The following GRB14 variants were observed in gnomAD, a reference collection of about 807,000 sequenced individuals.
GRB14 encodes the protein growth factor receptor bound protein 14.
GRB14 carries 38 observed loss-of-function variants against 69.1 expected under a neutral mutation model. The ratio of observed to expected loss-of-function variants is 0.55; its 90% CI spans 0.42 to 0.72. The LOEUF (loss-of-function observed/expected upper bound fraction) is 0.72, where lower values mean the gene tolerates loss of function less well. Ranked by LOEUF, GRB14 falls within the 30% of genes least tolerant of loss-of-function variation. The pLI, the probability that GRB14 is intolerant of heterozygous loss-of-function variation, is 0.00. For missense variants in GRB14, 666 were observed against 666.1 expected (o/e 1.00, Z 0.00); for synonymous variants, 247 against 241.3 (o/e 1.02, Z -0.22).
chr2:164,529,241 T>C lies in GRB14; in HGVS notation c.482-2106A>G, dbSNP rs114281600. 7.3e-3 allele frequency among the ~76,000 whole-genome samples: 1,113 copies of C among 152,286 alleles called. 5 individuals are homozygous for C. Among genetic ancestry groups the C allele is most frequent in the African/African-American group, 0.011 (442 of 41,550 alleles). ...TAGAGATAGAAAGTAGAATGGTGGC[T>C]GCCAGGGGTAGGAGGGAGTAGGGAA... On this transcript the variant is annotated intron_variant, in intron 3 of 13. Transcript: ENST00000263915.
At chr2:164,547,330 T>C (rs1213864400) in intron 3 of GRB14, among the ~76,000 whole-genome samples, 1 of 152,166 alleles carries the variant, frequency 6.6e-6, no homozygotes, top group Non-Finnish European at 1.5e-5. Flanking sequence ...TCAATTCAGA[T>C]ATTTATAAGA....
At chr2:164,517,411 C>T (rs561978042) in intron 6 of GRB14, among the ~76,000 whole-genome samples, 2 of 152,184 alleles carry the variant, frequency 1.3e-5, no homozygotes, top group Non-Finnish European at 2.9e-5. Context: ...ATAAAGCTCA[C>T]AGCTCACAAG....
intron 9 of GRB14, among the ~76,000 whole-genome samples, chr2:164,498,295 G>A (rs1686958452): frequency 1.3e-5 from 2 of 152,108 alleles, no homozygotes; most frequent in Admixed American, 1.3e-4. Flanking sequence ...AAATGATAAA[G>A]TCATTGTTTT....
At chr2:164,503,011 T>C (rs1687096168) in intron 8 of GRB14, among the ~76,000 whole-genome samples, 1 of 151,862 alleles carries the variant, frequency 6.6e-6, no homozygotes, top group African/African-American at 2.4e-5. Flanking sequence ...ATCATATGGA[T>C]TGAGCTGGCA....
chr2:164,506,675 T>C (rs1372265251), intron 8 of GRB14, among the ~76,000 whole-genome samples: 1 of 152,172 alleles, frequency 6.6e-6, no homozygotes, highest in East Asian at 1.9e-4. Context: ...GCAGCACTAT[T>C]CACAATAGCC....
At chr2:164,519,431 C>T (rs545598336) in intron 6 of GRB14, among the ~76,000 whole-genome samples, 1 of 152,238 alleles carries the variant, frequency 6.6e-6, no homozygotes, top group South Asian at 2.1e-4. Flanking sequence ...TGAAAGCATT[C>T]CCCCTGAGAA....
intron 2 of GRB14, among the ~76,000 whole-genome samples, chr2:164,572,028 G>A (rs1172111771): frequency 2.0e-5 from 3 of 152,144 alleles, no homozygotes; most frequent in Non-Finnish European, 4.4e-5. Context: ...GTGCTGTGCT[G>A]TTTATTATGG....
chr2:164,563,567 T>C (rs552488898), intron 2 of GRB14, among the ~76,000 whole-genome samples: 1 of 152,334 alleles, frequency 6.6e-6, no homozygotes, highest in South Asian at 2.1e-4. Flanking sequence ...ACAGGATGAC[T>C]GGAAATTTAC....
intron 2 of GRB14, among the ~76,000 whole-genome samples, chr2:164,608,650 T>C (rs1690097321): frequency 1.3e-5 from 2 of 151,788 alleles, no homozygotes; most frequent in South Asian, 4.1e-4. Context: ...TATGATGAAG[T>C]GCTAGGAAGT....
At chr2:164,620,673 C>G (rs529372734) in intron 1 of GRB14, among the ~76,000 whole-genome samples, 4 of 152,302 alleles carry the variant, frequency 2.6e-5, no homozygotes, top group South Asian at 2.1e-4. Flanking sequence ...TCTATTCTTT[C>G]CTGCCGAACA....
chr2:164,603,464 G>A (rs1689970782), intron 2 of GRB14, among the ~76,000 whole-genome samples: 1 of 152,052 alleles, frequency 6.6e-6, no homozygotes. Flanking sequence ...AGGAGTTCGA[G>A]ACCAGCCTGG....
At chr2:164,508,912 A>C in intron 6 of GRB14, 60 bp from the exon 7 acceptor site, 12 of 1,154,612 alleles carry the variant, frequency 1.0e-5, no homozygotes, top group Non-Finnish European at 1.3e-5. Context: ...TTGTGTGTTT[A>C]TATTATATAA....
At chr2:164,515,876 A>G (rs995568198) in intron 6 of GRB14, among the ~76,000 whole-genome samples, 1 of 151,992 alleles carries the variant, frequency 6.6e-6, no homozygotes, top group Non-Finnish European at 1.5e-5. Flanking sequence ...TGAATAAAAA[A>G]CAATTACAAC....
intron 2 of GRB14, among the ~76,000 whole-genome samples, chr2:164,567,728 A>G (rs1272838359): frequency 6.6e-6 from 1 of 152,320 alleles, no homozygotes; most frequent in Non-Finnish European, 1.5e-5. Context: ...ATATTTTCAT[A>G]CACAGGATTG....
At chr2:164,508,639 A>G (rs1574252504) in intron 7 of GRB14, 89 bp from the exon 8 acceptor site, 3 of 1,441,054 alleles carry the variant, frequency 2.1e-6, no homozygotes, top group East Asian at 2.3e-5. Flanking sequence ...TCTCCTATAT[A>G]TAAGAGAAAG....
At chr2:164,498,492 T>C (rs1686964180) in intron 9 of GRB14, among the ~76,000 whole-genome samples, 1 of 152,118 alleles carries the variant, frequency 6.6e-6, no homozygotes, top group Non-Finnish European at 1.5e-5. Flanking sequence ...AGAATCCCAC[T>C]CAGTTCATAA....
intron 8 of GRB14, 141 bp from the exon 9 acceptor site, chr2:164,502,476 A>T: frequency 1.8e-6 from 1 of 567,052 alleles, no homozygotes; most frequent in Admixed American, 2.9e-5. Flanking sequence ...ATTTTGAAAG[A>T]TGAACTTTTA....
chr2:164,564,703 A>AC (rs1042332222), intron 2 of GRB14, among the ~76,000 whole-genome samples: 9 of 152,214 alleles, frequency 5.9e-5, no homozygotes, highest in African/African-American at 2.2e-4. Context: ...GAATGCAAAA[A>AC]TGTTTGCAAA....
In GRB14 at chr2:164,501,357, T is replaced by G. The variant is rs986985966; in HGVS notation, c.1104+898A>C. Among the ~76,000 whole-genome samples the G allele has an allele frequency of 5.9e-5, 9 of 152,054 alleles. No homozygotes were observed. In the East Asian group the frequency reaches 1.7e-3, roughly 29 times the overall value. On this transcript the variant is annotated intron_variant, in intron 9 of 13. Transcript: ENST00000263915. ...CATTACATGTGGGATAAATGCACCT[T>G]CCCTGGTCACATACATGAAGAGCAT...
Sources: gnomAD v4.1 joint callset for allele counts (sites outside exome capture counted in the v4.1 genomes callset) on GRCh38, gnomAD v4.1.1 for gene constraint, MANE v1.5 for transcripts, NCBI Gene and HGNC (gene_info 2026-07-23, HGNC 2026-07-21) for gene names.